TRHDE: variants seen among roughly 807,000 people sequenced by gnomAD.
TRHDE encodes thyrotropin-releasing hormone-degrading ectoenzyme.
In TRHDE, 72 loss-of-function variants were observed where a neutral mutation model predicts 125.7. That is an observed-to-expected ratio of 0.57 (90% CI 0.47 to 0.70). The LOEUF is 0.70. Ranked by LOEUF, TRHDE falls within the 30% of genes least tolerant of loss-of-function variation. The probability of loss-of-function intolerance (pLI) is 0.00; values close to 1 mark genes in which losing one functional copy is unlikely to be tolerated. For synonymous variants in TRHDE, 509 were observed against 509.1 expected (o/e 1.00, Z 0.00); for missense variants, 1,110 against 1,327.1 (o/e 0.84, Z 2.54).
At chr12:72,353,913 T>A (rs1565709890) in intron 2 of TRHDE, among the ~76,000 whole-genome samples, 1 of 144,226 alleles carries the variant, frequency 6.9e-6, no homozygotes, top group Non-Finnish European at 1.6e-5. Flanking sequence ...CCTGATGTCA[T>A]GGCAGTTCAG....
chr12:72,422,505 G>A (rs936498850), intron 3 of TRHDE, among the ~76,000 whole-genome samples: 2 of 152,160 alleles, frequency 1.3e-5, no homozygotes, highest in African/African-American at 2.4e-5. Context: ...GATAGGAATA[G>A]TAATTTTTAT....
chr12:72,640,660 G>A (rs905526654), intron 15 of TRHDE, among the ~76,000 whole-genome samples: 3 of 147,268 alleles, frequency 2.0e-5, no homozygotes, highest in Non-Finnish European at 3.0e-5. Flanking sequence ...TAAGGTTCAC[G>A]CATCAATGCA....
intron 2 of TRHDE, among the ~76,000 whole-genome samples, chr12:72,214,127 A>G (rs892714997): frequency 6.6e-6 from 1 of 152,148 alleles, no homozygotes; most frequent in African/African-American, 2.4e-5. Context: ...TGGAAATGGT[A>G]AAGGGTTAAT....
At chr12:72,098,646 C>G (rs1422820321) in intron 1 of TRHDE, among the ~76,000 whole-genome samples, 1 of 152,186 alleles carries the variant, frequency 6.6e-6, no homozygotes, top group Non-Finnish European at 1.5e-5. Context: ...TTTACCTCCT[C>G]CCTTGGTATG....
At position 72,653,004 on chromosome 12, in the gene TRHDE, CTA is replaced by C. The variant is rs1207165241; in HGVS notation, c.2844-10_2844-9del. 6.3e-7 allele frequency: 1 copy of C among 1,581,530 alleles called. No homozygotes were observed. Among genetic ancestry groups the C allele is most frequent in the Non-Finnish European group, 8.6e-7 (1 of 1,167,650 alleles). ...TTGGACTAAAAATTTTTACAAAATTCTATCTTTGAAGGCTTCTAAATCTGTCA... is the reference window on the plus strand; with the variant it reads ...TTGGACTAAAAATTTTTACAAAATTCTCTTTGAAGGCTTCTAAATCTGTCA... On this transcript the variant is annotated splice_polypyrimidine_tract_variant and intron_variant, in intron 16 of 18. Transcript: ENST00000261180.
At chr12:72,221,235 T>G (rs1165047118) in intron 2 of TRHDE, among the ~76,000 whole-genome samples, 1 of 152,072 alleles carries the variant, frequency 6.6e-6, no homozygotes, top group Non-Finnish European at 1.5e-5. Flanking sequence ...TGATACAATC[T>G]AATAGCACTT....
chr12:72,280,687 C>T lies in TRHDE; in HGVS notation c.915-5994C>T. 1.3e-5 allele frequency among the ~76,000 whole-genome samples: 2 copies of T among 152,178 alleles called. 1 individual carries two copies. The highest frequency in any genetic ancestry group is 1.3e-4 in the Admixed American group (2 of 15,272). On this transcript the variant is annotated intron_variant, in intron 1 of 18. Coordinates refer to ENST00000261180, the MANE Select transcript of TRHDE (RefSeq NM_013381.3). Reference sequence around the variant, plus strand: ...GGAAACAAGAGAAACACACAAGTCTCTGATTACAGCACTGCTGTCTATTAG... The same window carrying T: ...GGAAACAAGAGAAACACACAAGTCTTTGATTACAGCACTGCTGTCTATTAG...
chr12:72,309,197 C>T (rs868828390), intron 2 of TRHDE, among the ~76,000 whole-genome samples: 1 of 151,954 alleles, frequency 6.6e-6, no homozygotes, highest in Non-Finnish European at 1.5e-5. Flanking sequence ...CTTTAAAAGT[C>T]ATTTTTGAGG....
chr12:72,480,918 A>T lies in TRHDE; in HGVS notation c.1584+7738A>T, dbSNP rs1021643898. 9.9e-5 allele frequency among the ~76,000 whole-genome samples: 15 copies of T among 152,096 alleles called. No individual in the cohort carries two copies. The East Asian group carries it at 2.5e-3, about 25-fold the overall frequency. On this transcript the variant is annotated intron_variant, in intron 5 of 18. Coordinates refer to ENST00000261180, the MANE Select transcript of TRHDE (RefSeq NM_013381.3). ...TATAATAGTGGCCATAGCATATTAG[A>T]CCACTATTTTATCTCTCCTTCTCAC...
At chr12:72,433,057 A>G (rs1874567844) in intron 3 of TRHDE, among the ~76,000 whole-genome samples, 1 of 152,148 alleles carries the variant, frequency 6.6e-6, no homozygotes, top group Non-Finnish European at 1.5e-5. Context: ...TTCTATTGAG[A>G]CGACCATGTG....
At chr12:72,619,075 G>T in intron 13 of TRHDE, 37 bp downstream of exon 13, 1 of 1,437,026 alleles carries the variant, frequency 7.0e-7, no homozygotes, top group Non-Finnish European at 9.3e-7. Context: ...ATTTTTAGAA[G>T]ATACACTATT....
rs143430990 is a variant in TRHDE, at chr12:72,333,752, T to C, written c.1189-44243T>C. 9.8e-5 allele frequency among the ~76,000 whole-genome samples: 15 copies of C among 152,340 alleles called. No homozygotes were observed. The East Asian group carries it at 2.9e-3, about 29-fold the overall frequency. ...TCAGATTGAGCGAGTGCTTTGAATT[T>C]GGGATTGAGGTAAAGTGTTATTTTG... On this transcript the variant is annotated intron_variant, in intron 2 of 18. Coordinates refer to ENST00000261180, the MANE Select transcript of TRHDE (RefSeq NM_013381.3).
chr12:72,332,353 A>G (rs1869640940), intron 2 of TRHDE, among the ~76,000 whole-genome samples: 1 of 152,078 alleles, frequency 6.6e-6, no homozygotes, highest in Non-Finnish European at 1.5e-5. Context: ...GTTAGGCAGG[A>G]TGGTCTTGAT....
rs146701920 is a variant in TRHDE at position 72,195,401 on chromosome 12, C to T, written n.279+89649C>T. 3.8e-3 allele frequency among the ~76,000 whole-genome samples: 585 copies of T among 152,276 alleles called. 3 individuals are homozygous for T. Among genetic ancestry groups the T allele is most frequent in the Non-Finnish European group, 7.3e-3 (497 of 68,016 alleles). On this transcript the variant is annotated intron_variant and non_coding_transcript_variant, in intron 2 of 4. Coordinates refer to the TRHDE transcript ENST00000548156. Reference sequence around the variant, plus strand: ...CAACCTTCCCTTTTCTTCACAGCTTCACTAGCATCTGTTGTTTTTTGACGT... The same window carrying T: ...CAACCTTCCCTTTTCTTCACAGCTTTACTAGCATCTGTTGTTTTTTGACGT...
chr12:72,273,152 C>T lies in TRHDE; in HGVS notation c.509C>T (p.Pro170Leu). Residue 170 changes from proline (P) to leucine (L), a missense_variant, in exon 1 of 19, where the codon CCG (proline) becomes CTG (leucine). Coordinates refer to ENST00000261180, the MANE Select transcript of TRHDE (RefSeq NM_013381.3). The surrounding 1 kb of genome is among the most constrained non-coding windows in gnomAD (Gnocchi z 5.3). ...ASPGTTSAQP[P>L]SEEEREPWEP... is the part of the protein sequence containing the mutation. The stretch of plus-strand genomic sequence containing the variant: ...CCGGGGACCACGTCGGCCCAGCCGC[C>T]GTCGGAGGAGGAGCGGGAGCCGTGG... 6.4e-7 allele frequency: 1 copy of T among 1,573,204 alleles called. No individual in the cohort carries two copies. Among genetic ancestry groups the T allele is most frequent in the Non-Finnish European group, 8.6e-7 (1 of 1,157,824 alleles).
intron 18 of TRHDE, among the ~76,000 whole-genome samples, chr12:72,659,025 T>C (rs953436892): frequency 1.3e-5 from 2 of 152,190 alleles, no homozygotes; most frequent in East Asian, 3.9e-4. Flanking sequence ...ATAAGCCTCA[T>C]AAGCAGAAAG....
intron 5 of TRHDE, among the ~76,000 whole-genome samples, chr12:72,493,708 C>T (rs1877783910): frequency 6.6e-6 from 1 of 151,982 alleles, no homozygotes. Context: ...GTTATACTCT[C>T]TGCCTTTAGC....
At chr12:72,543,602 G>A (rs1478611116) in intron 7 of TRHDE, among the ~76,000 whole-genome samples, 1 of 151,162 alleles carries the variant, frequency 6.6e-6, no homozygotes, top group Non-Finnish European at 1.5e-5. Flanking sequence ...TGAAGTTGTA[G>A]CATGACAGTT....
At chr12:72,117,101 C>A (rs942121189) in intron 2 of TRHDE, among the ~76,000 whole-genome samples, 5 of 152,028 alleles carry the variant, frequency 3.3e-5, no homozygotes, top group African/African-American at 1.2e-4. Context: ...AACGTAATCC[C>A]ATTTTTCCAT....
Sources: allele counts gnomAD v4.1 joint callset (sites outside exome capture counted in the v4.1 genomes callset), GRCh38; gene constraint gnomAD v4.1.1; non-coding constraint Gnocchi (gnomAD v3.1); transcripts MANE v1.5; gene names NCBI Gene and HGNC (gene_info 2026-07-23, HGNC 2026-07-21).